Variants in EPRS1 observed in about 807,000 individuals in gnomAD.
The protein encoded by EPRS1 is glutamyl-prolyl-tRNA synthetase 1.
In EPRS1, 107 loss-of-function variants were observed where a neutral mutation model predicts 188.3. The observed-to-expected ratio is 0.57, with a 90% CI of 0.49 to 0.67. The LOEUF (loss-of-function observed/expected upper bound fraction) is 0.67, where lower values mean the gene tolerates loss of function less well. Ranked by LOEUF, EPRS1 falls within the 30% of genes least tolerant of loss-of-function variation. The pLI, the probability that EPRS1 is intolerant of heterozygous loss-of-function variation, is 0.00. For synonymous variants in EPRS1, 596 were observed against 593.1 expected (o/e 1.00, Z -0.07); for missense variants, 1,577 against 1,802.2 (o/e 0.88, Z 2.26).
intron 6 of EPRS1, 135 bp downstream of exon 6, chr1:220,030,251 G>C: frequency 1.7e-6 from 1 of 574,976 alleles, no homozygotes; most frequent in Non-Finnish European, 3.0e-6. Flanking sequence ...AAAACGTTTA[G>C]AATTTTAACT....
chr1:219,979,192 T>C (rs192140706), intron 27 of EPRS1, among the ~76,000 whole-genome samples: 18 of 152,306 alleles, frequency 1.2e-4, no homozygotes, highest in African/African-American at 3.6e-4. Context: ...AAAAATGACT[T>C]CTAAAAATGT....
chr1:219,995,507 T>C (rs1661213671), intron 18 of EPRS1, among the ~76,000 whole-genome samples: 1 of 152,202 alleles, frequency 6.6e-6, no homozygotes, highest in Non-Finnish European at 1.5e-5. Context: ...CCCCATGAGG[T>C]AAGAAACATC....
chr1:220,027,950 G>A (rs1306055936), intron 6 of EPRS1, among the ~76,000 whole-genome samples: 1 of 152,022 alleles, frequency 6.6e-6, no homozygotes, highest in Non-Finnish European at 1.5e-5. Flanking sequence ...CCCAAAAAAG[G>A]ATGGAGTTTA....
chr1:219,977,646 A>G lies in EPRS1; in HGVS notation c.4083+900T>C, dbSNP rs139114850. Among the ~76,000 whole-genome samples, 611 of 152,308 alleles carry G rather than the reference A, an allele frequency of 4.0e-3. 5 individuals are homozygous for G. Among genetic ancestry groups the G allele is most frequent in the African/African-American group, 0.014 (574 of 41,572 alleles). On this transcript the variant is annotated intron_variant, in intron 28 of 31. Coordinates refer to ENST00000366923, the MANE Select transcript of EPRS1 (RefSeq NM_004446.3). Reference sequence around the variant, plus strand: ...AAGGAAATGACATGGAAAAAAAATCATGTTTAGAAAAGCATATAAAGAAGC... The same window carrying G: ...AAGGAAATGACATGGAAAAAAAATCGTGTTTAGAAAAGCATATAAAGAAGC...
chr1:219,990,147 G>A (rs1425687295), intron 18 of EPRS1, among the ~76,000 whole-genome samples: 1 of 148,416 alleles, frequency 6.7e-6, no homozygotes, highest in East Asian at 2.0e-4. Flanking sequence ...AACCCCGTTC[G>A]CCAAGATTAT....
intron 18 of EPRS1, among the ~76,000 whole-genome samples, chr1:219,989,415 T>C (rs905024003): frequency 6.6e-6 from 1 of 151,058 alleles, no homozygotes; most frequent in African/African-American, 2.4e-5. Context: ...TGTGACTCTC[T>C]AGCAGAGAAT....
Position 219,997,123 on chromosome 1 carries a change from G to T in EPRS1, c.2401C>A (p.Pro801Thr). 1 of 1,614,044 alleles carries T rather than the reference G, an allele frequency of 6.2e-7. No homozygotes were observed. The change falls in exon 18 of 32, where the codon CCT (proline) becomes ACT (threonine). Residue 801 changes from proline (P) to threonine (T), a missense_variant. Pro to Thr is a conservative substitution (Grantham distance 38). Around this residue, in one of 3 missense-constraint regions of EPRS1, gnomAD observed 1,278 missense variants for 1,457.4 expected, o/e 0.88. Coordinates refer to ENST00000366923, the MANE Select transcript of EPRS1 (RefSeq NM_004446.3). ...YKEKTGQEYK[P>T]GNPPAEIGQN... Reference sequence around the variant, plus strand: ...CCTATTTCAGCAGGAGGGTTTCCAGGTTTATATTCCTGGCCAGTTTTCTCC... The same window carrying T: ...CCTATTTCAGCAGGAGGGTTTCCAGTTTTATATTCCTGGCCAGTTTTCTCC...
intron 12 of EPRS1, among the ~76,000 whole-genome samples, chr1:220,011,541 A>G (rs991425354): frequency 1.4e-4 from 21 of 152,362 alleles, no homozygotes; most frequent in African/African-American, 4.8e-4. Flanking sequence ...TTCGGTCACT[A>G]TAATAAGGCA....
At chr1:220,010,821 A>AAG in intron 13 of EPRS1, 125 bp downstream of exon 13, 2 of 582,712 alleles carry the variant, frequency 3.4e-6, no homozygotes, top group African/African-American at 2.2e-5. Context: ...AAAAAAAAAA[A>AAG]AAAAGAAAGA....
intron 19 of EPRS1, among the ~76,000 whole-genome samples, chr1:219,987,734 A>G (rs1460801498): frequency 2.0e-5 from 3 of 152,204 alleles, no homozygotes; most frequent in African/African-American, 7.2e-5. Context: ...ATAAACAGGG[A>G]TAGAATTGTG....
At chr1:219,971,784 CTA>C (rs202229562) in intron 30 of EPRS1, among the ~76,000 whole-genome samples, 1 of 58,456 alleles carries the variant, frequency 1.7e-5, no homozygotes. Flanking sequence ...AAAACAAAGA[CTA>C]TATATATATA....
chr1:219,990,851 C>T (rs1338011328), intron 18 of EPRS1, among the ~76,000 whole-genome samples: 1 of 152,078 alleles, frequency 6.6e-6, no homozygotes, highest in South Asian at 2.1e-4. Flanking sequence ...TGATTTAGTA[C>T]AATATCATAC....
chr1:220,004,792 TTAC>T (rs1661427217), intron 16 of EPRS1, among the ~76,000 whole-genome samples: 1 of 151,984 alleles, frequency 6.6e-6, no homozygotes, highest in Non-Finnish European at 1.5e-5. Flanking sequence ...GGACAAAAAT[TTAC>T]ATAGAGTTCT....
At chr1:220,026,384 G>C (rs1249295880) in intron 6 of EPRS1, among the ~76,000 whole-genome samples, 1 of 152,094 alleles carries the variant, frequency 6.6e-6, no homozygotes, top group Non-Finnish European at 1.5e-5. Context: ...ATGAGTAAAA[G>C]AAAATATGTT....
chr1:219,979,135 G>A (rs369031162), intron 27 of EPRS1, among the ~76,000 whole-genome samples: 14 of 152,286 alleles, frequency 9.2e-5, no homozygotes, highest in Middle Eastern at 3.4e-3. Context: ...GATTACAGGC[G>A]TGAGCCTGCA....
At chr1:219,996,873 T>C in intron 18 of EPRS1, 110 bp downstream of exon 18, 1 of 1,173,590 alleles carries the variant, frequency 8.5e-7, no homozygotes, top group Non-Finnish European at 1.2e-6. Flanking sequence ...CAATGTTGAT[T>C]ATTACATCAA....
At chr1:220,011,096 CT>C in intron 12 of EPRS1, 40 bp from the exon 13 acceptor site, 1 of 1,154,360 alleles carries the variant, frequency 8.7e-7, no homozygotes, top group Non-Finnish European at 1.3e-6. Flanking sequence ...ACTGCGATAT[CT>C]TATAGAGCGC....
intron 13 of EPRS1, 75 bp from the exon 14 acceptor site, chr1:220,007,413 A>G: frequency 7.0e-7 from 1 of 1,431,696 alleles, no homozygotes; most frequent in Non-Finnish European, 9.6e-7. Context: ...TTATACATTC[A>G]TTCTATTCTT....
chr1:220,018,175 T>G, intron 12 of EPRS1: 2 of 1,403,620 alleles, frequency 1.4e-6, no homozygotes, highest in South Asian at 1.2e-5. Flanking sequence ...AAATGCAGAG[T>G]GTTCATAAAA....
Sources: gnomAD v4.1 joint callset for allele counts (sites outside exome capture counted in the v4.1 genomes callset) on GRCh38, gnomAD v4.1.1 for gene constraint, gnomAD v4.1.1 regional missense constraint, MANE v1.5 for transcripts, NCBI Gene and HGNC (gene_info 2026-07-23, HGNC 2026-07-21) for gene names.